The following GRIA4 variants were observed in gnomAD, a reference collection of about 807,000 sequenced individuals.
GRIA4 encodes glutamate ionotropic receptor AMPA type subunit 4.
Under a neutral mutation model 104.0 loss-of-function variants are expected in GRIA4, and 34 were observed. The ratio of observed to expected loss-of-function variants is 0.33; its 90% CI spans 0.25 to 0.44. The LOEUF is 0.44. Among genes scored for constraint, GRIA4 ranks in the 20% least tolerant of loss-of-function variants. The pLI is 1.00. For synonymous variants in GRIA4, 386 were observed against 381.9 expected, an observed-to-expected ratio of 1.01 and a Z score of -0.13; for missense variants, 750 against 1,096.5, an observed-to-expected ratio of 0.68 and a Z score of 4.46.
chr11:105,838,098 A>C (rs1944261031), intron 4 of GRIA4, among the ~76,000 whole-genome samples: 1 of 152,208 alleles, frequency 6.6e-6, no homozygotes, highest in Admixed American at 6.6e-5. Flanking sequence ...CAATAAAAGA[A>C]GATAAAGGTA....
At chr11:105,963,525 A>G (rs1437168160) in intron 14 of GRIA4, among the ~76,000 whole-genome samples, 2 of 152,154 alleles carry the variant, frequency 1.3e-5, no homozygotes, top group Non-Finnish European at 2.9e-5. Context: ...TAAATTTCAT[A>G]TATGATGGTA....
intron 14 of GRIA4, among the ~76,000 whole-genome samples, chr11:105,945,266 C>A (rs1770861586): frequency 6.6e-6 from 1 of 152,134 alleles, no homozygotes; most frequent in Non-Finnish European, 1.5e-5. Context: ...GACTGAAGGG[C>A]AGACAATATT....
intron 4 of GRIA4, among the ~76,000 whole-genome samples, chr11:105,791,994 T>C (rs1247127610): frequency 6.6e-6 from 1 of 152,094 alleles, no homozygotes; most frequent in Non-Finnish European, 1.5e-5. Context: ...CAAATGAAAA[T>C]AGAAGCAGCA....
intron 4 of GRIA4, among the ~76,000 whole-genome samples, chr11:105,805,618 A>T (rs769422634): frequency 1.3e-5 from 2 of 151,936 alleles, no homozygotes; most frequent in African/African-American, 4.8e-5. Context: ...AAAGCCAAAA[A>T]CAAAAAATTC....
chr11:105,702,092 T>C (rs1418024859), intron 3 of GRIA4, among the ~76,000 whole-genome samples: 1 of 152,024 alleles, frequency 6.6e-6, no homozygotes, highest in African/African-American at 2.4e-5. Flanking sequence ...TGCAACTACA[T>C]CTGGCTAATT....
chr11:105,751,466 T>C (rs891691699), intron 3 of GRIA4, among the ~76,000 whole-genome samples: 13 of 152,186 alleles, frequency 8.5e-5, no homozygotes, highest in African/African-American at 3.1e-4. Flanking sequence ...AACTTCCTTA[T>C]ATCTTGCAAG....
intron 6 of GRIA4, among the ~76,000 whole-genome samples, chr11:105,896,393 T>C (rs1946653833): frequency 6.6e-6 from 1 of 152,194 alleles, no homozygotes; most frequent in Non-Finnish European, 1.5e-5. Flanking sequence ...ACTCTGTTGA[T>C]TGTTTCTTTT....
At chr11:105,941,364 T>C (rs1220338072) in intron 14 of GRIA4, among the ~76,000 whole-genome samples, 1 of 152,186 alleles carries the variant, frequency 6.6e-6, no homozygotes, top group Non-Finnish European at 1.5e-5. Flanking sequence ...GCCATTTTAA[T>C]ATACACCTTT....
chr11:105,782,511 G>A (rs1465118664), intron 4 of GRIA4, among the ~76,000 whole-genome samples: 1 of 151,974 alleles, frequency 6.6e-6, no homozygotes, highest in Non-Finnish European at 1.5e-5. Context: ...TTTCCATTAC[G>A]CTGCATCAAA....
chr11:105,945,645 G>A (rs958867375), intron 14 of GRIA4: 7 of 156,038 alleles, frequency 4.5e-5, no homozygotes, highest in African/African-American at 9.7e-5. Context: ...CCACTTGTGC[G>A]TAATAGTTAT....
intron 7 of GRIA4, among the ~76,000 whole-genome samples, chr11:105,903,425 C>T (rs1039273807): frequency 6.6e-6 from 1 of 152,160 alleles, no homozygotes; most frequent in Non-Finnish European, 1.5e-5. Context: ...CCCAGCCCTC[C>T]TGGGGTTCAA....
chr11:105,670,934 G>A (rs1202609062), intron 3 of GRIA4, among the ~76,000 whole-genome samples: 1 of 152,060 alleles, frequency 6.6e-6, no homozygotes, highest in South Asian at 2.1e-4. Context: ...CTGTTTCCTT[G>A]CTTCTTCCAT....
chr11:105,826,758 G>C (rs1943784951), intron 4 of GRIA4, among the ~76,000 whole-genome samples: 1 of 152,056 alleles, frequency 6.6e-6, no homozygotes, highest in African/African-American at 2.4e-5. Context: ...TACACAGAGT[G>C]AATCTTCATA....
At chr11:105,650,170 G>A (rs1385263662) in intron 3 of GRIA4, among the ~76,000 whole-genome samples, 2 of 152,166 alleles carry the variant, frequency 1.3e-5, no homozygotes, top group Non-Finnish European at 2.9e-5. Flanking sequence ...ATTTACAAAT[G>A]TTTCAAAATT....
intron 3 of GRIA4, among the ~76,000 whole-genome samples, chr11:105,683,106 A>T (rs1478061039): frequency 1.3e-5 from 2 of 152,168 alleles, no homozygotes; most frequent in African/African-American, 2.4e-5. Flanking sequence ...TAAGGTTAAA[A>T]CATTTAAGAT....
intron 4 of GRIA4, among the ~76,000 whole-genome samples, chr11:105,774,791 T>G (rs916163039): frequency 3.9e-5 from 6 of 152,322 alleles, no homozygotes. Context: ...TAAACAGTGC[T>G]TAATCATTTG....
intron 3 of GRIA4, among the ~76,000 whole-genome samples, chr11:105,656,713 C>G (rs944558256): frequency 6.6e-6 from 1 of 151,998 alleles, no homozygotes; most frequent in Non-Finnish European, 1.5e-5. Context: ...GTGAATGTAG[C>G]TTTCAATAAT....
intron 9 of GRIA4, among the ~76,000 whole-genome samples, chr11:105,906,084 TA>T (rs999423730): frequency 2.4e-4 from 37 of 151,048 alleles, no homozygotes; most frequent in East Asian, 9.7e-4. Flanking sequence ...TTTGGCTGTT[TA>T]AAAAAAAAAT....
intron 14 of GRIA4, among the ~76,000 whole-genome samples, chr11:105,960,597 G>GC (rs1948716474): frequency 6.6e-6 from 1 of 152,150 alleles, no homozygotes; most frequent in African/African-American, 2.4e-5. Context: ...ACTGGCTGCC[G>GC]CCCCTCCCCC....
Sources: gnomAD v4.1 joint callset for allele counts (sites outside exome capture counted in the v4.1 genomes callset) on GRCh38, gnomAD v4.1.1 for gene constraint, MANE v1.5 for transcripts, NCBI Gene and HGNC (gene_info 2026-07-23, HGNC 2026-07-21) for gene names.